SYN3: variants seen among roughly 807,000 people sequenced by gnomAD.
SYN3 encodes synapsin III.
SYN3 carries 35 observed loss-of-function variants against 65.8 expected under a neutral mutation model. The observed-to-expected ratio is 0.53, with a 90% CI of 0.41 to 0.70. The LOEUF (loss-of-function observed/expected upper bound fraction) is 0.70. Among genes scored for constraint, SYN3 ranks in the 30% least tolerant of loss-of-function variants. SYN3 has a pLI of 0.00. For missense variants in SYN3, 680 were observed against 749.0 expected (o/e 0.91, Z 1.08); for synonymous variants, 270 against 292.9 (o/e 0.92, Z 0.80).
chr22:32,963,084 T>C (rs1333348657), intron 3 of SYN3, among the ~76,000 whole-genome samples: 3 of 150,538 alleles, frequency 2.0e-5, no homozygotes, highest in Non-Finnish European at 4.4e-5. Context: ...AAAATACTTT[T>C]TTTTTTTTTT....
In SYN3 at chr22:32,510,977, G is replaced by T. The variant is rs1000535876; in HGVS notation, c.*2715C>A. Among the ~76,000 whole-genome samples the T allele has an allele frequency of 9.5e-5, 14 of 147,464 alleles. No homozygotes were observed. The highest frequency in any genetic ancestry group is 1.5e-5 in the Non-Finnish European group (1 of 67,586). ...GTGCATTTGTCAATTCCAAGTTATTGTCCAGGCGTGTGTGTGTGTGTGTGT... is the reference window on the plus strand; with the variant it reads ...GTGCATTTGTCAATTCCAAGTTATTTTCCAGGCGTGTGTGTGTGTGTGTGT... On this transcript the variant is annotated 3_prime_UTR_variant, in exon 14 of 14. Transcript: ENST00000358763.
At chr22:32,944,206 T>G (rs1254076292) in intron 3 of SYN3, among the ~76,000 whole-genome samples, 1 of 152,124 alleles carries the variant, frequency 6.6e-6, no homozygotes. Flanking sequence ...AGTAAAGCAC[T>G]CCTCAGCAAA....
chr22:32,929,338 C>T (rs982785484), intron 4 of SYN3, among the ~76,000 whole-genome samples: 7 of 150,716 alleles, frequency 4.6e-5, no homozygotes, highest in Admixed American at 1.3e-4. Context: ...TCCTTTTCTC[C>T]GCAGATATCT....
chr22:32,776,506 A>G (rs2045911579), intron 6 of SYN3, among the ~76,000 whole-genome samples: 1 of 150,834 alleles, frequency 6.6e-6, no homozygotes, highest in African/African-American at 2.4e-5. Flanking sequence ...ATTGCCACCC[A>G]GAGAAGTGAT....
At chr22:32,603,785 C>T (rs985561266) in intron 6 of SYN3, among the ~76,000 whole-genome samples, 1 of 152,170 alleles carries the variant, frequency 6.6e-6, no homozygotes, top group Non-Finnish European at 1.5e-5. Context: ...TTTAGTTCCC[C>T]TGGGGATGCC....
At chr22:32,997,543 C>T (rs143895010) in intron 2 of SYN3, among the ~76,000 whole-genome samples, 1 of 152,254 alleles carries the variant, frequency 6.6e-6, no homozygotes, top group Non-Finnish European at 1.5e-5. Flanking sequence ...GCTCTGCCCC[C>T]CTCACCTTTA....
Position 32,511,347 on chromosome 22 carries a change from C to G in SYN3, c.*2345G>C, listed in dbSNP as rs1276097447. Among the ~76,000 whole-genome samples, 1 of 152,188 alleles carries G rather than the reference C, an allele frequency of 6.6e-6. No individual in the cohort carries two copies. The highest frequency in any genetic ancestry group is 1.5e-5 in the Non-Finnish European group (1 of 68,044). On this transcript the variant is annotated 3_prime_UTR_variant, in exon 14 of 14. Transcript: ENST00000358763. ...CCCCAGGACCCCCACCTCCACCCAC[C>G]TTGGGGGTCTAGAAGAATGTGTCGA...
chr22:32,968,077 G>C (rs1246912022), intron 3 of SYN3, among the ~76,000 whole-genome samples: 2 of 152,238 alleles, frequency 1.3e-5, no homozygotes, highest in Non-Finnish European at 2.9e-5. Context: ...TGGTGAACAA[G>C]AGGAGGTTGG....
At chr22:33,029,286 T>G (rs2053707183) in intron 1 of SYN3, among the ~76,000 whole-genome samples, 1 of 152,020 alleles carries the variant, frequency 6.6e-6, no homozygotes, top group Non-Finnish European at 1.5e-5. Flanking sequence ...GCAATCCTCC[T>G]GCCTTAGCCT....
chr22:32,641,805 TGTAA>T (rs1316087175), intron 6 of SYN3, among the ~76,000 whole-genome samples: 1 of 152,042 alleles, frequency 6.6e-6, no homozygotes, highest in Non-Finnish European at 1.5e-5. Flanking sequence ...TAAATTGTAT[TGTAA>T]GTGACTTATA....
At chr22:32,565,116 TGCTCCCGGACTGC>T (rs2058653575) in intron 7 of SYN3, among the ~76,000 whole-genome samples, 1 of 150,976 alleles carries the variant, frequency 6.6e-6, no homozygotes, top group Non-Finnish European at 1.5e-5. Flanking sequence ...ACCCAGACAG[TGCTCCCGGACTGC>T]ACCCAAACAG....
At chr22:33,019,237 C>T (rs2053521464) in intron 1 of SYN3, among the ~76,000 whole-genome samples, 1 of 152,218 alleles carries the variant, frequency 6.6e-6, no homozygotes, top group African/African-American at 2.4e-5. Flanking sequence ...CAGGATGAAA[C>T]TCTTCTAATG....
At chr22:32,997,186 CTATG>C (rs1305370493) in intron 2 of SYN3, among the ~76,000 whole-genome samples, 2 of 152,146 alleles carry the variant, frequency 1.3e-5, no homozygotes, top group Admixed American at 1.3e-4. Context: ...TCAGTCTTCC[CTATG>C]TATACAATGA....
Position 32,539,091 on chromosome 22 carries a change from G to A in SYN3, c.918-981C>T, listed in dbSNP as rs116969051. Among the ~76,000 whole-genome samples the A allele has an allele frequency of 1.5e-4, 23 of 152,288 alleles. No homozygotes were observed. The East Asian group carries it at 4.5e-3, about 29-fold the overall frequency. On this transcript the variant is annotated intron_variant, in intron 8 of 13. Transcript: ENST00000358763. ...CATAGTGGTGGAGGTAAAGCTATTT[G>A]TCTTACGGTCAAGGGAAGCTATGTC...
chr22:32,994,954 C>A lies in SYN3; in HGVS notation c.311+11398G>T, dbSNP rs547651306. Among the ~76,000 whole-genome samples the A allele has an allele frequency of 4.6e-5, 7 of 152,310 alleles. No individual in the cohort carries two copies. In the East Asian group the frequency reaches 1.4e-3, roughly 29 times the overall value. ...CATTATCTCTAATCTTTCCAGTTAC[C>A]CTTCCAGGAAGATATTCCATGACCC... On this transcript the variant is annotated intron_variant, in intron 2 of 13. Transcript: ENST00000358763.
chr22:32,949,526 G>T (rs775853653), intron 3 of SYN3, among the ~76,000 whole-genome samples: 3 of 152,054 alleles, frequency 2.0e-5, no homozygotes, highest in Non-Finnish European at 4.4e-5. Flanking sequence ...CCAGTTTCAG[G>T]AACACGCCCA....
chr22:32,718,910 T>C (rs980843999), intron 6 of SYN3, among the ~76,000 whole-genome samples: 2 of 152,238 alleles, frequency 1.3e-5, no homozygotes, highest in African/African-American at 4.8e-5. Flanking sequence ...ATCCAACTTA[T>C]TCTTTACCCA....
At chr22:32,787,967 T>C (rs1177215772) in intron 6 of SYN3, among the ~76,000 whole-genome samples, 2 of 152,106 alleles carry the variant, frequency 1.3e-5, no homozygotes, top group African/African-American at 4.8e-5. Flanking sequence ...GTCAGTGTAG[T>C]GTAAACACAA....
At chr22:32,887,473 T>C (rs2049325064) in intron 4 of SYN3, among the ~76,000 whole-genome samples, 1 of 152,128 alleles carries the variant, frequency 6.6e-6, no homozygotes, top group African/African-American at 2.4e-5. Flanking sequence ...AAATGACTTG[T>C]GCCAACAACC....
Sources: gnomAD v4.1 joint callset for allele counts (sites outside exome capture counted in the v4.1 genomes callset) on GRCh38, gnomAD v4.1.1 for gene constraint, MANE v1.5 for transcripts, NCBI Gene and HGNC (gene_info 2026-07-23, HGNC 2026-07-21) for gene names.